ERCC1: variants seen among roughly 807,000 people sequenced by gnomAD.
ERCC1 encodes the protein ERCC excision repair 1, endonuclease non-catalytic subunit, also known as DNA excision repair protein ERCC-1.
In ERCC1, 36 loss-of-function variants were observed where a neutral mutation model predicts 37.6. That is an observed-to-expected ratio of 0.96 (90% confidence interval 0.73 to 1.26). The LOEUF is 1.26. Among genes scored for constraint, ERCC1 ranks in the 50% most tolerant of loss-of-function variants. The probability of loss-of-function intolerance (pLI) is 0.00; values close to 1 mark genes in which losing one functional copy is unlikely to be tolerated. For synonymous variants in ERCC1, 156 were observed against 162.1 expected, an observed-to-expected ratio of 0.96 and a Z score of 0.28; for missense variants, 349 against 376.5, an observed-to-expected ratio of 0.93 and a Z score of 0.60.
chr19:45,438,266 C>G (rs181476362), intron 1 of ERCC1, among the ~76,000 whole-genome samples: 1 of 152,070 alleles, frequency 6.6e-6, no homozygotes, highest in South Asian at 2.1e-4. Flanking sequence ...TGGCATCTCA[C>G]TACATTGCCC....
At position 45,449,857 on chromosome 19, in the gene ERCC1, G is replaced by A. The variant is rs548880645; in HGVS notation, c.-7-26476C>T. Among the ~76,000 whole-genome samples the A allele has an allele frequency of 5.9e-5, 9 of 152,008 alleles. No homozygotes were observed. In the South Asian group the frequency reaches 1.9e-3, roughly 32 times the overall value. On this transcript the variant is annotated intron_variant, in intron 1 of 8. Transcript: ENST00000423698. ...CGGGTGCCTGTAATCCCAGCTACTC[G>A]GGAGGCTGAGGCAGGAGAATCACTT...
upstream of ERCC1, chr19:45,428,854 C>G (rs2123564180): frequency 6.6e-6 from 1 of 151,936 alleles, no homozygotes; most frequent in East Asian, 2.0e-4. Context: ...GCAGGGGGGC[C>G]CGAGTGGAGG....
intron 3 of ERCC1, 57 bp downstream of exon 3, chr19:45,421,121 A>C: frequency 6.8e-7 from 1 of 1,462,684 alleles, no homozygotes; most frequent in Non-Finnish European, 9.6e-7. Context: ...AGTCATCCCT[A>C]GAACAGCGTT....
chr19:45,420,473 G>T lies in ERCC1; in HGVS notation c.322-46C>A. ...GAAGCCATCAATAGGGATGACCCTT[G>T]ATAACCACAGGGCCCTCCTCCACCT... On this transcript the variant is annotated intron_variant, in intron 3 of 9. Transcript: ENST00000300853. This position sits in a 1 kb window ranked among gnomAD's most constrained non-coding sequence, Gnocchi z 4.8. The T allele has an allele frequency of 8.1e-7, 1 of 1,227,936 alleles. No homozygotes were observed. Among genetic ancestry groups the T allele is most frequent in the Non-Finnish European group, 1.2e-6 (1 of 839,232 alleles). 76.1% of individuals were successfully genotyped at this position (1,227,936 alleles called of 1,614,324 possible).
intron 1 of ERCC1, among the ~76,000 whole-genome samples, chr19:45,443,214 GC>G (rs1975165542): frequency 6.6e-6 from 1 of 152,126 alleles, no homozygotes; most frequent in African/African-American, 2.4e-5. Flanking sequence ...AGGAGGTATG[GC>G]TGTAGTCAGT....
At chr19:45,435,499 G>T (rs1974952175) in intron 1 of ERCC1, among the ~76,000 whole-genome samples, 1 of 152,140 alleles carries the variant, frequency 6.6e-6, no homozygotes, top group South Asian at 2.1e-4. Flanking sequence ...CCTTTATTCT[G>T]TTACGCAGGT....
At chr19:45,448,212 A>G (rs547350427) in intron 1 of ERCC1, among the ~76,000 whole-genome samples, 2 of 152,208 alleles carry the variant, frequency 1.3e-5, no homozygotes, top group South Asian at 4.2e-4. Context: ...GTGGGTGTGG[A>G]ACTGGAGGAA....
intron 1 of ERCC1, among the ~76,000 whole-genome samples, chr19:45,443,618 G>A (rs557954731): frequency 1.8e-4 from 28 of 152,260 alleles, no homozygotes; most frequent in African/African-American, 6.3e-4. Flanking sequence ...CCCGCCCCCG[G>A]GAGCAGGCGG....
At chr19:45,425,900 C>A (rs1974678511), upstream of ERCC1, among the ~76,000 whole-genome samples, 1 of 152,150 alleles carries the variant, frequency 6.6e-6, no homozygotes, top group Non-Finnish European at 1.5e-5. Flanking sequence ...TTGTTCACAT[C>A]AGTCTTTCAT....
chr19:45,437,157 G>C (rs1016290913), intron 1 of ERCC1, among the ~76,000 whole-genome samples: 1 of 152,058 alleles, frequency 6.6e-6, no homozygotes, highest in Non-Finnish European at 1.5e-5. Context: ...GCTGAGGGAG[G>C]AGAATCGCTT....
chr19:45,435,404 A>C (rs1158241220), intron 1 of ERCC1, among the ~76,000 whole-genome samples: 1 of 152,224 alleles, frequency 6.6e-6, no homozygotes. Flanking sequence ...CAAACAAACT[A>C]GGACTCCAAC....
intron 1 of ERCC1, among the ~76,000 whole-genome samples, chr19:45,441,555 T>A (rs1306574230): frequency 6.6e-6 from 1 of 152,174 alleles, no homozygotes; most frequent in East Asian, 1.9e-4. Context: ...TGTATTTTTT[T>A]GTAGAGACGG....
chr19:45,413,993 C>G lies in ERCC1; in HGVS notation c.744G>C (p.Thr248=). Residue 248 remains threonine (T), a synonymous_variant, in exon 8 of 10, where the codon ACG becomes ACC. Coordinates refer to ENST00000300853, the MANE Select transcript of ERCC1 (RefSeq NM_001983.4). ...ATGTGGTCAGGAGGGTCTGACTGTC[C>G]GTTTTGTTGACTGACTTCACGGTGG... The part of the protein sequence containing the change: ...CLTTVKSVNK[T]DSQTLLTTFG... 1.2e-6 allele frequency: 2 copies of G among 1,613,622 alleles called. No homozygotes were observed. Among genetic ancestry groups the G allele is most frequent in the African/African-American group, 1.3e-5 (1 of 74,914 alleles).
In ERCC1 at chr19:45,409,603, G is replaced by C. The variant is rs743571; in HGVS notation, c.*72C>G. The C allele has an allele frequency of 6.3e-7, 1 of 1,576,638 alleles. No homozygotes were observed. The highest frequency in any genetic ancestry group is 1.8e-5 in the Admixed American group (1 of 54,776). ...ATCCCTCCCCAGAGACTGCACCAGC[G>C]CAGCCAGCAGGAGCCTGGCCTGGGA... is the stretch of plus-strand genomic sequence containing the variant. On this transcript the variant is annotated 3_prime_UTR_variant, in exon 10 of 10. Transcript: ENST00000300853.
At chr19:45,412,007 C>T (rs1973769669) in intron 9 of ERCC1, among the ~76,000 whole-genome samples, 1 of 151,578 alleles carries the variant, frequency 6.6e-6, no homozygotes. Flanking sequence ...CAGGTGCCCA[C>T]CACCACACCC....
intron 6 of ERCC1, 158 bp downstream of exon 6, chr19:45,416,663 C>T: frequency 1.6e-6 from 1 of 617,560 alleles, no homozygotes; most frequent in Non-Finnish European, 2.9e-6. Flanking sequence ...AAAATTAAGA[C>T]CTTGTTTTAC....
chr19:45,446,616 C>A (rs1414620298), intron 1 of ERCC1, among the ~76,000 whole-genome samples: 3 of 152,162 alleles, frequency 2.0e-5, no homozygotes, highest in Non-Finnish European at 4.4e-5. Context: ...ACTCTCAGTG[C>A]CTAGATTTAC....
At chr19:45,423,695 C>A (rs1409020047) in intron 1 of ERCC1, 86 bp downstream of exon 1, 21 of 1,238,262 alleles carry the variant, frequency 1.7e-5, no homozygotes, top group Non-Finnish European at 2.1e-5. Flanking sequence ...ACGCCCTCCC[C>A]ACGCCTGGCC....
chr19:45,440,096 C>T (rs948652791), intron 1 of ERCC1, among the ~76,000 whole-genome samples: 1 of 151,876 alleles, frequency 6.6e-6, no homozygotes. Flanking sequence ...CCCACTCTGC[C>T]CTGGCGGTCA....
Sources: gnomAD v4.1 joint callset for allele counts (sites outside exome capture counted in the v4.1 genomes callset) on GRCh38, gnomAD v4.1.1 for gene constraint, Gnocchi (gnomAD v3.1) non-coding constraint, MANE v1.5 for transcripts, NCBI Gene and HGNC (gene_info 2026-07-23, HGNC 2026-07-21) for gene names.